Variants in ZNF354A observed in about 807,000 individuals in gnomAD.
ZNF354A encodes the protein zinc finger protein 354A.
Under a neutral mutation model 53.3 loss-of-function variants are expected in ZNF354A, and 25 were observed. The ratio of observed to expected loss-of-function variants is 0.47; its 90% CI spans 0.34 to 0.66. The LOEUF (loss-of-function observed/expected upper bound fraction) is 0.66. Among genes scored for constraint, ZNF354A ranks in the 30% least tolerant of loss-of-function variants. The pLI, the probability that ZNF354A is intolerant of heterozygous loss-of-function variation, is 0.01. For synonymous variants in ZNF354A, 228 were observed against 249.0 expected (o/e 0.92, Z 0.79); for missense variants, 586 against 716.8 (o/e 0.82, Z 2.08).
In ZNF354A at chr5:178,712,929, G is replaced by C; in HGVS notation, c.949C>G (p.Gln317Glu). 1 of 1,613,950 alleles carries C rather than the reference G, an allele frequency of 6.2e-7. No individual in the cohort carries two copies. The highest frequency in any genetic ancestry group is 8.5e-7 in the Non-Finnish European group (1 of 1,179,990). ...GGGTTTTCTTCAGCATGAATTTTTTGATGTATAAAAAGGCCTGACCTTCGG... is the reference window on the plus strand; with the variant it reads ...GGGTTTTCTTCAGCATGAATTTTTTCATGTATAAAAAGGCCTGACCTTCGG... ...FSRRSGLFIHQKIHAEENPCK... is the reference protein window; with the variant it reads ...FSRRSGLFIHEKIHAEENPCK... Residue 317 changes from glutamine (Q) to glutamate (E), a missense_variant, in exon 5 of 5, where the codon CAA becomes GAA. Around this residue, in one of 2 missense-constraint regions of ZNF354A, gnomAD observed 573 missense variants for 680.1 expected, o/e 0.84. Transcript: ENST00000335815.
chr5:178,714,440 G>C (rs1561616448), intron 4 of ZNF354A, among the ~76,000 whole-genome samples: 1 of 152,042 alleles, frequency 6.6e-6, no homozygotes, highest in Non-Finnish European at 1.5e-5. Flanking sequence ...CCTTACTATA[G>C]CACTTACCAG....
At chr5:178,721,755 T>C (rs1765817221) in intron 4 of ZNF354A, among the ~76,000 whole-genome samples, 1 of 152,110 alleles carries the variant, frequency 6.6e-6, no homozygotes, top group South Asian at 2.1e-4. Flanking sequence ...CTAAGCAAGA[T>C]ATCTCCCATA....
At chr5:178,722,927 C>T (rs1249684797) in intron 4 of ZNF354A, among the ~76,000 whole-genome samples, 1 of 152,178 alleles carries the variant, frequency 6.6e-6, no homozygotes, top group Non-Finnish European at 1.5e-5. Flanking sequence ...GTGAGCGAGC[C>T]ACATGGACGC....
At chr5:178,724,655 T>C (rs1765871784) in intron 4 of ZNF354A, among the ~76,000 whole-genome samples, 1 of 152,224 alleles carries the variant, frequency 6.6e-6, no homozygotes, top group African/African-American at 2.4e-5. Context: ...CCCCCTTCCA[T>C]GGACCCATTC....
intron 4 of ZNF354A, among the ~76,000 whole-genome samples, chr5:178,725,153 C>T (rs1765881030): frequency 6.6e-6 from 1 of 152,202 alleles, no homozygotes; most frequent in South Asian, 2.1e-4. Context: ...TGAATGAATA[C>T]ATGAAAATAC....
At chr5:178,722,628 C>T (rs1371135295) in intron 4 of ZNF354A, among the ~76,000 whole-genome samples, 1 of 152,208 alleles carries the variant, frequency 6.6e-6, no homozygotes, top group Admixed American at 6.5e-5. Context: ...GTCTCCAACA[C>T]CACTAACCTA....
chr5:178,722,263 G>A (rs1765825963), intron 4 of ZNF354A, among the ~76,000 whole-genome samples: 1 of 152,090 alleles, frequency 6.6e-6, no homozygotes. Context: ...TATTGATCAG[G>A]TTCTCCCAAA....
Position 178,713,104 on chromosome 5 carries a change from A to G in ZNF354A, c.774T>C (p.Ile258=), listed in dbSNP as rs114241306. The change falls in exon 5 of 5, where the codon ATT becomes ATC. Residue 258 remains isoleucine (I), a synonymous_variant. Coordinates refer to ENST00000335815, the MANE Select transcript of ZNF354A (RefSeq NM_005649.3). ...CTCCAGTATGCGTTATTTGATGTTG[A>G]ATAAGAGCTGAACTTTGGCTAAAGG... The part of the protein sequence containing the change: ...SKAFSQSSAL[I]QHQITHTGEK... The G allele has an allele frequency of 8.5e-4, 1,370 of 1,613,928 alleles. 12 individuals carry two copies. In the African/African-American group the frequency reaches 0.016, roughly 19 times the overall value.
intron 4 of ZNF354A, among the ~76,000 whole-genome samples, chr5:178,714,419 C>T (rs374941568): frequency 3.3e-5 from 5 of 152,154 alleles, no homozygotes; most frequent in African/African-American, 4.8e-5. Flanking sequence ...TGAGCAGCCA[C>T]GGTCCCTTCT....
chr5:178,714,847 T>C lies in ZNF354A; in HGVS notation c.257-1226A>G, dbSNP rs554464622. 4.9e-4 allele frequency among the ~76,000 whole-genome samples: 75 copies of C among 152,336 alleles called. 2 individuals carry two copies. The South Asian group carries it at 0.015, about 30-fold the overall frequency. On this transcript the variant is annotated intron_variant, in intron 4 of 4. Transcript: ENST00000335815. Reference sequence around the variant, plus strand: ...TTGTAGAAGTTGCCTCCTAGGCCAGTACATGGGTGATTAGAGAGGTTTCAG... The same window carrying C: ...TTGTAGAAGTTGCCTCCTAGGCCAGCACATGGGTGATTAGAGAGGTTTCAG...
intron 4 of ZNF354A, among the ~76,000 whole-genome samples, chr5:178,713,920 T>C (rs937809533): frequency 1.3e-5 from 2 of 150,904 alleles, no homozygotes; most frequent in East Asian, 1.9e-4. Context: ...AAAGGGATCA[T>C]GAGTTGAAAG....
At position 178,711,873 on chromosome 5, in the gene ZNF354A, G is replaced by T; in HGVS notation, c.*187C>A. ...TTCATCTCAGGTTATTTTTTTAAGTGTCTGACAGGCACAAACACTTTCCTC... is the reference window on the plus strand; with the variant it reads ...TTCATCTCAGGTTATTTTTTTAAGTTTCTGACAGGCACAAACACTTTCCTC... On this transcript the variant is annotated 3_prime_UTR_variant, in exon 5 of 5. Transcript: ENST00000335815. The T allele has an allele frequency of 1.7e-6, 1 of 593,108 alleles. No individual in the cohort carries two copies. Among genetic ancestry groups the T allele is most frequent in the Non-Finnish European group, 2.6e-6 (1 of 381,298 alleles). 36.7% of individuals were successfully genotyped at this position (593,108 alleles called of 1,614,324 possible).
At chr5:178,720,923 G>C (rs911385411) in intron 4 of ZNF354A, among the ~76,000 whole-genome samples, 1 of 152,136 alleles carries the variant, frequency 6.6e-6, no homozygotes, top group African/African-American at 2.4e-5. Context: ...TCTTTTTGTG[G>C]CTAAGCCACC....
intron 3 of ZNF354A, chr5:178,726,220 G>A (rs1355064388): frequency 1.1e-5 from 5 of 455,732 alleles, no homozygotes; most frequent in Non-Finnish European, 1.8e-5. Flanking sequence ...GCCTGTTTAT[G>A]TATGGCCCTG....
Position 178,713,231 on chromosome 5 carries a change from C to G in ZNF354A, c.647G>C (p.Cys216Ser). 6.2e-7 allele frequency: 1 copy of G among 1,614,168 alleles called. No individual in the cohort carries two copies. The highest frequency in any genetic ancestry group is 8.5e-7 in the Non-Finnish European group (1 of 1,180,022). Reference protein sequence around the residue: ...PKITADKRYKCSLCEKTFINT... With the variant: ...PKITADKRYKSSLCEKTFINT... ...AATGAAGGTTTTTTCACACAGACTA[C>G]ATTTATAGCGTTTATCTGCTGTAAT... Residue 216 changes from cysteine to serine, a missense_variant, in exon 5 of 5, where the codon TGT (cysteine) becomes TCT (serine). Coordinates refer to ENST00000335815, the MANE Select transcript of ZNF354A (RefSeq NM_005649.3).
Position 178,726,049 on chromosome 5 carries a change from G to A in ZNF354A, c.161-578C>T, listed in dbSNP as rs559125912. 175 of 389,386 alleles carry A rather than the reference G, an allele frequency of 4.5e-4. 1 individual carries two copies. Among genetic ancestry groups the A allele is most frequent in the East Asian group, 2.8e-3 (38 of 13,334 alleles). 24.1% of individuals were successfully genotyped at this position (389,386 alleles called of 1,614,324 possible). On this transcript the variant is annotated intron_variant, in intron 3 of 4. Transcript: ENST00000335815. ...AGTAGAGACAGGGTTTCACCATGTT[G>A]GCCAGGATGGTCTTGATCTTCTGAC...
Position 178,727,089 on chromosome 5 carries a change from T to G in ZNF354A, c.70A>C (p.Thr24Pro). The G allele has an allele frequency of 1.9e-6, 3 of 1,614,060 alleles. No homozygotes were observed. Among genetic ancestry groups the G allele is most frequent in the Non-Finnish European group, 2.5e-6 (3 of 1,179,988 alleles). Residue 24 changes from threonine to proline, a missense_variant, in exon 3 of 5, where the codon ACC (threonine) becomes CCC (proline). Thr to Pro is a conservative substitution (Grantham distance 38). Transcript: ENST00000335815. ...GCCAGCTTTCTCCACTCATCTCGGG[T>G]AAACAGCACAGCCACATCCTCAAAC... ...LTFEDVAVLF[T>P]RDEWRKLAPS...
At chr5:178,719,338 T>C (rs146372367) in intron 4 of ZNF354A, among the ~76,000 whole-genome samples, 1 of 152,294 alleles carries the variant, frequency 6.6e-6, no homozygotes, top group Non-Finnish European at 1.5e-5. Flanking sequence ...CACAATACAA[T>C]GTGACAATTT....
intron 4 of ZNF354A, 107 bp from the exon 5 acceptor site, chr5:178,713,728 C>A: frequency 2.2e-6 from 3 of 1,336,776 alleles, no homozygotes; most frequent in South Asian, 3.6e-5. Context: ...TAAATAAGAC[C>A]CTGATATCTG....
Sources: gnomAD v4.1 joint callset for allele counts (sites outside exome capture counted in the v4.1 genomes callset) on GRCh38, gnomAD v4.1.1 for gene constraint, gnomAD v4.1.1 regional missense constraint, MANE v1.5 for transcripts, NCBI Gene and HGNC (gene_info 2026-07-23, HGNC 2026-07-21) for gene names.